ELL2: variants seen among roughly 807,000 people sequenced by gnomAD.
ELL2 encodes elongation factor for RNA polymerase II 2, also known as RNA polymerase II elongation factor ELL2.
In ELL2, 21 loss-of-function variants were observed where a neutral mutation model predicts 72.8. That is an observed-to-expected ratio of 0.29 (90% CI 0.20 to 0.42). The LOEUF (loss-of-function observed/expected upper bound fraction) is 0.42. ELL2 is among the 10% of genes least tolerant of loss of function. The pLI, the probability that ELL2 is intolerant of heterozygous loss-of-function variation, is 1.00. For missense variants in ELL2, 568 were observed against 772.8 expected, an observed-to-expected ratio of 0.73 and a Z score of 3.14; for synonymous variants, 266 against 283.2, an observed-to-expected ratio of 0.94 and a Z score of 0.61.
intron 5 of ELL2, among the ~76,000 whole-genome samples, chr5:95,902,911 A>T (rs1443282066): frequency 2.6e-5 from 4 of 151,896 alleles, no homozygotes; most frequent in African/African-American, 9.7e-5. Flanking sequence ...CCTCCTGAGT[A>T]GCTGGGACTA....
At chr5:95,893,627 C>T (rs1257385557) in intron 9 of ELL2, among the ~76,000 whole-genome samples, 4 of 152,082 alleles carry the variant, frequency 2.6e-5, no homozygotes, top group Admixed American at 1.3e-4. Flanking sequence ...CCTCGTGATC[C>T]GCCCACCTCG....
chr5:95,907,296 A>ATTTTTTTTTTTT lies in ELL2; in HGVS notation c.482-526_482-515dup, dbSNP rs1211663802. 9.7e-3 allele frequency among the ~76,000 whole-genome samples: 1,128 copies of ATTTTTTTTTTTT among 116,408 alleles called. 36 individuals carry two copies. The highest frequency in any genetic ancestry group is 0.043 in the African/African-American group (1,058 of 24,452). 76.4% of individuals were successfully genotyped at this position (116,408 alleles called of 152,430 possible). On this transcript the variant is annotated intron_variant, in intron 4 of 11. Transcript: ENST00000237853. ...GTTAGTGATATATATATATATATATATTTTTTTTTTTTACAGGCCAAGACA... is the reference window on the plus strand; with the variant it reads ...GTTAGTGATATATATATATATATATATTTTTTTTTTTTTTTTTTTTTTTTACAGGCCAAGACA...
chr5:95,907,312 G>C (rs1024295171), intron 4 of ELL2, among the ~76,000 whole-genome samples: 1 of 68,630 alleles, frequency 1.5e-5, no homozygotes, highest in Non-Finnish European at 2.6e-5. Context: ...TTTTTTTACA[G>C]GCCAAGACAA....
chr5:95,905,791 G>A (rs1749334826), intron 5 of ELL2, among the ~76,000 whole-genome samples: 1 of 150,570 alleles, frequency 6.6e-6, no homozygotes. Context: ...AACTTCTTTG[G>A]AAATGTTATT....
In ELL2 at chr5:95,961,806, C is replaced by G; in HGVS notation, c.-85G>C. 2.0e-6 allele frequency: 3 copies of G among 1,463,614 alleles called. No homozygotes were observed. In the South Asian group the frequency reaches 4.1e-5, roughly 20 times the overall value. The allele number at this position is 1,463,614 out of a possible 1,614,324, so 90.7% of individuals were successfully genotyped here. On this transcript the variant is annotated 5_prime_UTR_variant, in exon 1 of 12. Coordinates refer to ENST00000237853, the MANE Select transcript of ELL2 (RefSeq NM_012081.6). ...GCGGCTGCTTGGGCTTCTGCAGCCG[C>G]CGCCACTGCTAGGGCCATCCCGCTG...
intron 1 of ELL2, among the ~76,000 whole-genome samples, chr5:95,956,576 G>T (rs1751634879): frequency 6.6e-6 from 1 of 152,150 alleles, no homozygotes; most frequent in African/African-American, 2.4e-5. Flanking sequence ...TTATAAGGCA[G>T]ATTATTGAAA....
chr5:95,893,731 G>T (rs556655129), intron 9 of ELL2, among the ~76,000 whole-genome samples: 37 of 152,228 alleles, frequency 2.4e-4, no homozygotes, highest in African/African-American at 8.4e-4. Flanking sequence ...TTCTTATGAG[G>T]CAACTTAAGT....
intron 9 of ELL2, among the ~76,000 whole-genome samples, chr5:95,894,207 T>C (rs939994050): frequency 6.6e-6 from 1 of 152,116 alleles, no homozygotes; most frequent in South Asian, 2.1e-4. Flanking sequence ...ACCATCGCAC[T>C]CCAGCCTGGG....
intron 7 of ELL2, 40 bp from the exon 8 acceptor site, chr5:95,898,850 TA>T: frequency 7.0e-7 from 1 of 1,422,684 alleles, no homozygotes. Context: ...CAGTTTGCAC[TA>T]AAATTAAATA....
chr5:95,954,586 T>TC (rs1462233576), intron 1 of ELL2, among the ~76,000 whole-genome samples: 1 of 128,832 alleles, frequency 7.8e-6, no homozygotes, highest in African/African-American at 3.6e-5. Flanking sequence ...TTCTTTTCTT[T>TC]TTTTTTTTTC....
Position 95,898,798 on chromosome 5 carries a change from C to G in ELL2, c.967G>C (p.Asp323His). 1 of 1,494,250 alleles carries G rather than the reference C, an allele frequency of 6.7e-7. No homozygotes were observed. Among genetic ancestry groups the G allele is most frequent in the Non-Finnish European group, 8.9e-7 (1 of 1,122,382 alleles). 92.6% of individuals were successfully genotyped at this position (1,494,250 alleles called of 1,614,324 possible). The change falls in exon 8 of 12, where the codon GAT becomes CAT. Residue 323 changes from aspartate to histidine, a missense_variant. Physicochemically the swap from Asp to His is moderately conservative, Grantham distance 81 (BLOSUM62 -1). Coordinates refer to ENST00000237853, the MANE Select transcript of ELL2 (RefSeq NM_012081.6). Reference protein sequence around the residue: ...AVSSPQKRLLDSEFIDPLMNK... With the variant: ...AVSSPQKRLLHSEFIDPLMNK... ...ATTAAAGGATCAATAAACTCTGAAT[C>G]CAAAAGCCGTTTCTAGGGGAGGGAA...
At chr5:95,938,599 A>G (rs1750860703) in intron 2 of ELL2, among the ~76,000 whole-genome samples, 1 of 152,084 alleles carries the variant, frequency 6.6e-6, no homozygotes, top group Non-Finnish European at 1.5e-5. Context: ...CTGTGTATCT[A>G]TAATCCTAGC....
intron 3 of ELL2, among the ~76,000 whole-genome samples, chr5:95,918,286 A>T (rs1416158112): frequency 3.3e-5 from 5 of 152,254 alleles, no homozygotes; most frequent in African/African-American, 1.2e-4. Flanking sequence ...ATTTTTTATC[A>T]GTTGAAATGT....
At chr5:95,960,525 T>C (rs760036947) in intron 1 of ELL2, among the ~76,000 whole-genome samples, 8 of 151,270 alleles carry the variant, frequency 5.3e-5, no homozygotes, top group Non-Finnish European at 1.2e-4. Context: ...TGTGTGTATA[T>C]GTGTGTGTGT....
chr5:95,936,774 T>C (rs1345293445), intron 2 of ELL2, among the ~76,000 whole-genome samples: 2 of 152,130 alleles, frequency 1.3e-5, no homozygotes, highest in African/African-American at 4.8e-5. Context: ...ATCAAAGAAT[T>C]GGTAAAATAT....
intron 4 of ELL2, among the ~76,000 whole-genome samples, chr5:95,912,720 A>G (rs1165958421): frequency 6.6e-6 from 1 of 152,184 alleles, no homozygotes; most frequent in African/African-American, 2.4e-5. Context: ...AAACCAAACT[A>G]AATGTATCTA....
intron 3 of ELL2, among the ~76,000 whole-genome samples, chr5:95,914,836 C>A (rs965025289): frequency 6.6e-6 from 1 of 152,004 alleles, no homozygotes; most frequent in East Asian, 1.9e-4. Flanking sequence ...CAGAATGAGA[C>A]CCCATCTCAA....
In ELL2 at chr5:95,913,929, C is replaced by G; in HGVS notation, c.323G>C (p.Gly108Ala). 6.3e-7 allele frequency: 1 copy of G among 1,592,304 alleles called. No homozygotes were observed. The change falls in exon 4 of 12, where the codon GGA (glycine) becomes GCA (alanine). Residue 108 changes from glycine to alanine, a missense_variant. Physicochemically the swap from Gly to Ala is moderately conservative, Grantham distance 60 (BLOSUM62 0). Coordinates refer to ENST00000237853, the MANE Select transcript of ELL2 (RefSeq NM_012081.6). ...TCCCAGGCAATTGAGCTGGGAGGCT[C>G]CAGAGCTGTCAAGTAAGTCAGTGGC... ...DCIQQTFSSS[G>A]ASQLNCLGFI...
intron 1 of ELL2, among the ~76,000 whole-genome samples, chr5:95,946,069 T>G (rs950825592): frequency 2.6e-5 from 4 of 152,300 alleles, no homozygotes; most frequent in Middle Eastern, 3.4e-3. Context: ...TCTCTCAATT[T>G]TTTGTATAAG....
Sources: allele counts gnomAD v4.1 joint callset (sites outside exome capture counted in the v4.1 genomes callset), GRCh38; gene constraint gnomAD v4.1.1; transcripts MANE v1.5; gene names NCBI Gene and HGNC (gene_info 2026-07-23, HGNC 2026-07-21).